EPHA6: variants seen among roughly 807,000 people sequenced by gnomAD.
EPHA6 encodes EPH receptor A6.
EPHA6 carries 50 observed loss-of-function variants against 112.0 expected under a neutral mutation model. The ratio of observed to expected loss-of-function variants is 0.45; its 90% confidence interval spans 0.36 to 0.56. The LOEUF (loss-of-function observed/expected upper bound fraction) is 0.56. EPHA6 is among the 20% of genes least tolerant of loss of function. The pLI is 0.00. For missense variants in EPHA6, 1,280 were observed against 1,417.4 expected, an observed-to-expected ratio of 0.90 and a Z score of 1.56; for synonymous variants, 529 against 490.7, an observed-to-expected ratio of 1.08 and a Z score of -1.03.
chr3:96,962,450 A>T (rs1402154509), intron 2 of EPHA6, among the ~76,000 whole-genome samples: 1 of 149,978 alleles, frequency 6.7e-6, no homozygotes, highest in African/African-American at 2.5e-5. Flanking sequence ...AACAATGATG[A>T]TCTTCATCCT....
chr3:96,934,351 C>T (rs113852194), intron 2 of EPHA6, among the ~76,000 whole-genome samples: 1 of 151,344 alleles, frequency 6.6e-6, no homozygotes, highest in Non-Finnish European at 1.5e-5. Flanking sequence ...TTATCTTATA[C>T]CATTATTATT....
chr3:96,824,293 T>C (rs2033499085), intron 1 of EPHA6, among the ~76,000 whole-genome samples: 1 of 151,846 alleles, frequency 6.6e-6, no homozygotes, highest in Admixed American at 6.6e-5. Context: ...GGTATATATA[T>C]ATTTTAAATG....
At chr3:97,054,495 T>C (rs1357358980) in intron 3 of EPHA6, among the ~76,000 whole-genome samples, 2 of 152,050 alleles carry the variant, frequency 1.3e-5, no homozygotes, top group East Asian at 3.9e-4. Context: ...TAAAAGACTT[T>C]AATAAGTGCA....
intron 5 of EPHA6, among the ~76,000 whole-genome samples, chr3:97,328,756 C>T (rs2082612552): frequency 6.6e-6 from 1 of 152,016 alleles, no homozygotes; most frequent in Admixed American, 6.6e-5. Flanking sequence ...GGTATCAAGT[C>T]AAAGAACTCA....
chr3:97,657,477 A>G (rs186536445), intron 14 of EPHA6, among the ~76,000 whole-genome samples: 16 of 151,982 alleles, frequency 1.1e-4, no homozygotes, highest in Non-Finnish European at 1.9e-4. Context: ...TGGAAATACT[A>G]CAGACATAAT....
At chr3:97,321,824 G>A (rs369897260) in intron 5 of EPHA6, among the ~76,000 whole-genome samples, 1 of 152,070 alleles carries the variant, frequency 6.6e-6, no homozygotes, top group Non-Finnish European at 1.5e-5. Flanking sequence ...GCCAACAGCT[G>A]TTAAAAATCA....
chr3:96,979,665 C>T (rs1358825488), intron 2 of EPHA6, among the ~76,000 whole-genome samples: 1 of 152,130 alleles, frequency 6.6e-6, no homozygotes, highest in African/African-American at 2.4e-5. Context: ...ACAGACCCAC[C>T]AACAGTGTAA....
chr3:97,254,228 G>T (rs968672024), intron 5 of EPHA6, among the ~76,000 whole-genome samples: 1 of 151,660 alleles, frequency 6.6e-6, no homozygotes, highest in East Asian at 1.9e-4. Context: ...TTGCCCTGTC[G>T]CCCAGGCTGG....
intron 13 of EPHA6, among the ~76,000 whole-genome samples, chr3:97,613,016 G>A (rs187326220): frequency 1.3e-5 from 2 of 151,982 alleles, no homozygotes; most frequent in East Asian, 3.9e-4. Context: ...TCCTCATGGT[G>A]TGTGTCCCCT....
intron 2 of EPHA6, among the ~76,000 whole-genome samples, chr3:96,898,059 T>C (rs1272358905): frequency 1.3e-5 from 2 of 152,194 alleles, no homozygotes; most frequent in African/African-American, 2.4e-5. Flanking sequence ...TAATATTTGC[T>C]TCAGTTTTAA....
intron 5 of EPHA6, among the ~76,000 whole-genome samples, chr3:97,397,381 A>C (rs542881187): frequency 1.8e-4 from 28 of 151,808 alleles, no homozygotes; most frequent in African/African-American, 6.0e-4. Context: ...TCAGAATCAA[A>C]TGTCATATAA....
chr3:97,638,068 G>T lies in EPHA6; in HGVS notation c.2770G>T (p.Ala924Ser). ...SRVLEDDPEA[A>S]YTTTGGKIPI... is the part of the protein sequence containing the mutation. ...AGTGCTGGAAGATGATCCAGAAGCT[G>T]CTTATACAACAACTGTAAGTTTATA... Residue 924 changes from alanine (A) to serine (S), a missense_variant, in exon 14 of 18, where the codon GCT (alanine) becomes TCT (serine). Ala to Ser is a moderately conservative substitution (Grantham distance 99). This residue lies in a region of EPHA6 where 878 missense variants were observed against 999.7 expected (regional missense o/e 0.88). Coordinates refer to ENST00000389672, the MANE Select transcript of EPHA6 (RefSeq NM_001080448.3). 1 of 1,612,898 alleles carries T rather than the reference G, an allele frequency of 6.2e-7. No individual in the cohort carries two copies. Among genetic ancestry groups the T allele is most frequent in the Non-Finnish European group, 8.5e-7 (1 of 1,179,274 alleles).
intron 11 of EPHA6, among the ~76,000 whole-genome samples, chr3:97,589,726 T>C (rs2093525942): frequency 6.6e-6 from 1 of 152,196 alleles, no homozygotes. Flanking sequence ...ACACATTTTG[T>C]ATCTTGAACT....
intron 5 of EPHA6, among the ~76,000 whole-genome samples, chr3:97,347,386 C>T (rs1295708344): frequency 6.6e-6 from 1 of 151,960 alleles, no homozygotes; most frequent in African/African-American, 2.4e-5. Context: ...AGGGTAAGAA[C>T]AGTGTTTGTT....
intron 6 of EPHA6, among the ~76,000 whole-genome samples, chr3:97,421,361 A>C (rs1275740484): frequency 6.6e-6 from 1 of 152,158 alleles, no homozygotes; most frequent in African/African-American, 2.4e-5. Context: ...ATACGTCAGC[A>C]TCAAAAGAAA....
intron 3 of EPHA6, among the ~76,000 whole-genome samples, chr3:97,132,289 G>A (rs776120824): frequency 6.6e-6 from 1 of 152,006 alleles, no homozygotes; most frequent in African/African-American, 2.4e-5. Context: ...GACACATACC[G>A]TACTTTCCAA....
chr3:97,490,174 C>T (rs184612946), intron 10 of EPHA6, among the ~76,000 whole-genome samples: 5 of 152,054 alleles, frequency 3.3e-5, no homozygotes, highest in Admixed American at 6.6e-5. Flanking sequence ...AATGATTTTA[C>T]GTGACTATGT....
At chr3:97,143,873 T>C (rs2075971382) in intron 3 of EPHA6, among the ~76,000 whole-genome samples, 1 of 151,650 alleles carries the variant, frequency 6.6e-6, no homozygotes, top group Admixed American at 6.6e-5. Flanking sequence ...TTGTAAGCTA[T>C]GTGTGTATTC....
At chr3:97,740,172 C>T (rs1412693058) in intron 16 of EPHA6, among the ~76,000 whole-genome samples, 1 of 152,104 alleles carries the variant, frequency 6.6e-6, no homozygotes, top group African/African-American at 2.4e-5. Flanking sequence ...CCACATTGTC[C>T]TACACATTTA....
Sources: allele counts gnomAD v4.1 joint callset (sites outside exome capture counted in the v4.1 genomes callset), GRCh38; gene constraint gnomAD v4.1.1; regional missense constraint gnomAD v4.1.1; transcripts MANE v1.5; gene names NCBI Gene and HGNC (gene_info 2026-07-23, HGNC 2026-07-21).